Variants in ITCH observed in about 807,000 individuals in gnomAD.
The protein encoded by ITCH is itchy E3 ubiquitin protein ligase, also known as E3 ubiquitin-protein ligase Itchy homolog.
In ITCH, 28 loss-of-function variants were observed where a neutral mutation model predicts 126.8. The ratio of observed to expected loss-of-function variants is 0.22; its 90% CI spans 0.16 to 0.30. ITCH has a LOEUF of 0.30. Among genes scored for constraint, ITCH ranks in the 10% least tolerant of loss-of-function variants. The probability of loss-of-function intolerance (pLI) is 1.00; values close to 1 mark genes in which losing one functional copy is unlikely to be tolerated. For synonymous variants in ITCH, 342 were observed against 340.0 expected (o/e 1.01, Z -0.06); for missense variants, 631 against 1,032.4 (o/e 0.61, Z 5.33).
Position 34,412,648 on chromosome 20 carries a change from G to A in ITCH, c.337+9G>A, listed in dbSNP as rs376714456. Reference sequence around the variant, plus strand: ...GTCAAACAATATGAAACGTATGTATGTAAGACTAATAGAAATTGCACTTAG... The same window carrying A: ...GTCAAACAATATGAAACGTATGTATATAAGACTAATAGAAATTGCACTTAG... On this transcript the variant is annotated intron_variant, in intron 5 of 24. Coordinates refer to ENST00000374864, the MANE Select transcript of ITCH (RefSeq NM_031483.7). 1 of 1,600,888 alleles carries A rather than the reference G, an allele frequency of 6.2e-7. No homozygotes were observed. The highest frequency in any genetic ancestry group is 8.6e-7 in the Non-Finnish European group (1 of 1,168,858).
At chr20:34,393,583 A>G (rs2038562250) in intron 2 of ITCH, among the ~76,000 whole-genome samples, 1 of 152,226 alleles carries the variant, frequency 6.6e-6, no homozygotes, top group African/African-American at 2.4e-5. Flanking sequence ...TGAAGGGAAG[A>G]AAGTAAAACA....
intron 2 of ITCH, among the ~76,000 whole-genome samples, chr20:34,376,889 G>A (rs1384598064): frequency 6.6e-6 from 1 of 152,126 alleles, no homozygotes; most frequent in Non-Finnish European, 1.5e-5. Context: ...GCATTAAAGA[G>A]GGCCAATTTT....
At chr20:34,379,047 T>C (rs2146011224) in intron 2 of ITCH, among the ~76,000 whole-genome samples, 2 of 152,312 alleles carry the variant, frequency 1.3e-5, no homozygotes, top group East Asian at 3.9e-4. Context: ...CTATATTCTG[T>C]ATATATTGAA....
At chr20:34,366,911 T>G (rs1192093475) in intron 1 of ITCH, among the ~76,000 whole-genome samples, 1 of 152,142 alleles carries the variant, frequency 6.6e-6, no homozygotes, top group Non-Finnish European at 1.5e-5. Context: ...AAGCCTGACC[T>G]TGGAGAGAGG....
At chr20:34,384,006 G>A (rs1024874839) in intron 2 of ITCH, among the ~76,000 whole-genome samples, 3 of 151,024 alleles carry the variant, frequency 2.0e-5, no homozygotes, top group Non-Finnish European at 4.4e-5. Flanking sequence ...CACTGCACCC[G>A]GCTAATTTTG....
intron 3 of ITCH, 103 bp from the exon 4 acceptor site, chr20:34,408,546 TTC>T (rs1978483068): frequency 1.2e-5 from 13 of 1,059,206 alleles, no homozygotes; most frequent in Middle Eastern, 5.7e-4. Flanking sequence ...GCAAAACTGC[TTC>T]TCTGAGTAAA....
intron 1 of ITCH, among the ~76,000 whole-genome samples, chr20:34,363,856 C>T (rs894867034): frequency 1.3e-5 from 2 of 152,146 alleles, no homozygotes; most frequent in Non-Finnish European, 2.9e-5. Context: ...CGGCTGCCTC[C>T]CCTTCTCTCT....
intron 10 of ITCH, among the ~76,000 whole-genome samples, chr20:34,442,692 G>C (rs1453360503): frequency 6.6e-6 from 1 of 151,758 alleles, no homozygotes; most frequent in Non-Finnish European, 1.5e-5. Flanking sequence ...TCCTTAGGTG[G>C]GCTGGGCGCA....
At chr20:34,409,103 T>C (rs901462634) in intron 4 of ITCH, among the ~76,000 whole-genome samples, 7 of 151,806 alleles carry the variant, frequency 4.6e-5, no homozygotes, top group Non-Finnish European at 8.8e-5. Context: ...CAGCACTTTT[T>C]ATTAACTTTG....
chr20:34,364,283 C>T (rs966571809), intron 1 of ITCH, among the ~76,000 whole-genome samples: 2 of 152,138 alleles, frequency 1.3e-5, no homozygotes, highest in Non-Finnish European at 2.9e-5. Context: ...AATCTTATTA[C>T]ATTTTCTGCC....
At chr20:34,456,158 T>TTGTGTGTG (rs1161624865) in intron 12 of ITCH, among the ~76,000 whole-genome samples, 7 of 47,714 alleles carry the variant, frequency 1.5e-4, no homozygotes, top group East Asian at 6.4e-4. Context: ...TTTTTATATA[T>TTGTGTGTG]TGTGTGTGTG....
intron 1 of ITCH, among the ~76,000 whole-genome samples, chr20:34,364,815 C>T (rs573986504): frequency 7.1e-6 from 1 of 140,242 alleles, no homozygotes; most frequent in African/African-American, 2.8e-5. Flanking sequence ...GGCTTGAACC[C>T]GGGAGGTGGA....
At chr20:34,475,769 C>A (rs894400742) in intron 16 of ITCH, among the ~76,000 whole-genome samples, 1 of 151,944 alleles carries the variant, frequency 6.6e-6, no homozygotes, top group Non-Finnish European at 1.5e-5. Context: ...TGCATACTTT[C>A]AAGAATGACA....
At chr20:34,378,618 G>A (rs1046450440) in intron 2 of ITCH, among the ~76,000 whole-genome samples, 1 of 151,816 alleles carries the variant, frequency 6.6e-6, no homozygotes, top group African/African-American at 2.4e-5. Context: ...GCAGCAGTAG[G>A]GTCAAATGAG....
intron 6 of ITCH, among the ~76,000 whole-genome samples, chr20:34,420,260 G>A (rs537326925): frequency 3.4e-4 from 52 of 152,180 alleles, no homozygotes; most frequent in Middle Eastern, 3.4e-3. Context: ...CTCCCAAGCC[G>A]TGATAACTGC....
At chr20:34,451,265 A>T (rs1167013328) in intron 12 of ITCH, among the ~76,000 whole-genome samples, 1 of 150,504 alleles carries the variant, frequency 6.6e-6, no homozygotes, top group African/African-American at 2.5e-5. Flanking sequence ...ACTCCAGCAT[A>T]GGCGACAGAG....
chr20:34,469,581 G>A (rs1987423818), intron 14 of ITCH, among the ~76,000 whole-genome samples: 1 of 152,112 alleles, frequency 6.6e-6, no homozygotes, highest in Non-Finnish European at 1.5e-5. Flanking sequence ...GTGAACCACT[G>A]CACCTGGCCA....
Position 34,489,565 on chromosome 20 carries a change from G to T in ITCH, c.2214+179G>T, listed in dbSNP as rs375000661. ...TAATTTATCCAAAGATAAAACAATAGTATTACCCCCTCCAAAGTACAAATA... is the reference window on the plus strand; with the variant it reads ...TAATTTATCCAAAGATAAAACAATATTATTACCCCCTCCAAAGTACAAATA... On this transcript the variant is annotated intron_variant, in intron 21 of 24. Coordinates refer to ENST00000374864, the MANE Select transcript of ITCH (RefSeq NM_031483.7). Among the ~76,000 whole-genome samples, 11 of 152,202 alleles carry T rather than the reference G, an allele frequency of 7.2e-5. No individual in the cohort carries two copies. The East Asian group carries it at 1.3e-3, about 19-fold the overall frequency.
intron 23 of ITCH, among the ~76,000 whole-genome samples, chr20:34,499,887 C>T (rs1990143995): frequency 6.6e-6 from 1 of 152,042 alleles, no homozygotes; most frequent in African/African-American, 2.4e-5. Context: ...TATTGTGTTT[C>T]CATTTGCATT....
Sources: allele counts gnomAD v4.1 joint callset (sites outside exome capture counted in the v4.1 genomes callset), GRCh38; gene constraint gnomAD v4.1.1; transcripts MANE v1.5; gene names NCBI Gene and HGNC (gene_info 2026-07-23, HGNC 2026-07-21).